The following OTOG variants were observed in gnomAD, a reference collection of about 807,000 sequenced individuals.
OTOG encodes the protein otogelin.
Under a neutral mutation model 313.8 loss-of-function variants are expected in OTOG, and 296 were observed. The ratio of observed to expected loss-of-function variants is 0.94; its 90% CI spans 0.86 to 1.04. The LOEUF (loss-of-function observed/expected upper bound fraction) is 1.04, where lower values mean the gene tolerates loss of function less well. Among genes scored for constraint, OTOG ranks in the 50% least tolerant of loss-of-function variants. OTOG has a pLI of 0.00. For missense variants in OTOG, 3,948 were observed against 3,840.1 expected (o/e 1.03, Z -0.74); for synonymous variants, 1,533 against 1,554.9 (o/e 0.99, Z 0.33).
rs1445616276 is a variant in OTOG at position 17,634,934 on chromosome 11, C to A, written c.7571C>A (p.Pro2524His). Residue 2524 changes from proline (P) to histidine (H), a missense_variant, in exon 45 of 56, where the codon CCC (proline) becomes CAC (histidine). Transcript: ENST00000399397. ...CACTTCCAGGAGGACTCCTGCTGCCCCAGCTACAGCTGTGGTGAGAGGCCC... is the reference window on the plus strand; with the variant it reads ...CACTTCCAGGAGGACTCCTGCTGCCACAGCTACAGCTGTGGTGAGAGGCCC... ...LTHFQEDSCC[P>H]SYSCECDPDL... 6.5e-7 allele frequency: 1 copy of A among 1,548,874 alleles called. No individual in the cohort carries two copies. The highest frequency in any genetic ancestry group is 2.0e-5 in the Admixed American group (1 of 50,974).
intron 29 of OTOG, 83 bp from the exon 30 acceptor site, chr11:17,596,768 G>A (rs752214018): frequency 1.2e-5 from 15 of 1,272,408 alleles, no homozygotes; most frequent in Non-Finnish European, 1.5e-5. Context: ...CCTTCATGTT[G>A]GTGCTGGTCG....
intron 35 of OTOG, among the ~76,000 whole-genome samples, 160 bp downstream of exon 35, chr11:17,609,369 C>T (rs1302607459): frequency 6.6e-6 from 1 of 152,284 alleles, no homozygotes; most frequent in East Asian, 1.9e-4. Flanking sequence ...GAGGCCTCAT[C>T]CGGTCTATTC....
intron 39 of OTOG, among the ~76,000 whole-genome samples, chr11:17,621,205 A>G (rs559719501): frequency 2.6e-5 from 4 of 152,152 alleles, no homozygotes; most frequent in Admixed American, 2.6e-4. Context: ...ATATTCTTTC[A>G]TTTTATTTTT....
chr11:17,640,127 T>C (rs1847940160), intron 49 of OTOG, among the ~76,000 whole-genome samples: 2 of 152,174 alleles, frequency 1.3e-5, no homozygotes, highest in African/African-American at 4.8e-5. Context: ...TAATGTTTAC[T>C]GAGAGCTTAC....
chr11:17,606,109 G>A lies in OTOG; in HGVS notation c.4130G>A (p.Arg1377His), dbSNP rs1257243835. The A allele has an allele frequency of 1.7e-5, 27 of 1,543,950 alleles. No individual in the cohort carries two copies. Among genetic ancestry groups the A allele is most frequent in the African/African-American group, 6.8e-5 (5 of 73,036 alleles). The change falls in exon 33 of 56, where the codon CGC (arginine) becomes CAC (histidine). Residue 1377 changes from arginine to histidine, a missense_variant. Physicochemically the swap from Arg to His is conservative, Grantham distance 29. Coordinates refer to ENST00000399397, the MANE Select transcript of OTOG (RefSeq NM_001292063.2). ...CTGTACGAACACACAGAGGTGTTCC[G>A]CCGGGGCACACTCTTCCGCCTTCTG... ...LRLYEHTEVF[R>H]RGTLFRLLDA...
rs1416214131 is a variant in OTOG at position 17,553,539 on chromosome 11, G to T, written c.540+20G>T. ...ATCCAGGTGAGGCCTCCCCTGCCTT[G>T]CCTGTCCAGGAATGCTTCTCTAGGC... On this transcript the variant is annotated intron_variant, in intron 6 of 55. Coordinates refer to ENST00000399397, the MANE Select transcript of OTOG (RefSeq NM_001292063.2). 11 of 1,421,116 alleles carry T rather than the reference G, an allele frequency of 7.7e-6. No individual in the cohort carries two copies. Among genetic ancestry groups the T allele is most frequent in the Non-Finnish European group, 1.0e-5 (11 of 1,085,026 alleles). 88.0% of individuals were successfully genotyped at this position (1,421,116 alleles called of 1,614,324 possible). A position where few individuals can be genotyped will look rare whatever the true frequency, so the allele number is the denominator to read the frequency against.
intron 39 of OTOG, among the ~76,000 whole-genome samples, chr11:17,618,180 C>T (rs541312401): frequency 9.8e-5 from 15 of 152,314 alleles, no homozygotes; most frequent in African/African-American, 2.9e-4. Flanking sequence ...GGATTACAGG[C>T]GTGAGCCACC....
intron 23 of OTOG, among the ~76,000 whole-genome samples, chr11:17,582,150 A>C (rs1852683960): frequency 6.6e-6 from 1 of 152,162 alleles, no homozygotes. Context: ...CATAATTAAG[A>C]TATATAACAT....
rs760511989 is a variant in OTOG at position 17,553,229 on chromosome 11, C to T, written c.385+18C>T. On this transcript the variant is annotated intron_variant, in intron 5 of 55. Coordinates refer to ENST00000399397, the MANE Select transcript of OTOG (RefSeq NM_001292063.2). ...CCAGATGGGTGGGTCTGGGCTCCAC[C>T]CCACCCCCAGGAAGGGACCTGGGTG... 5.2e-6 allele frequency: 8 copies of T among 1,549,658 alleles called. No homozygotes were observed. Among genetic ancestry groups the T allele is most frequent in the Non-Finnish European group, 7.0e-6 (8 of 1,146,466 alleles).
At position 17,635,138 on chromosome 11, in the gene OTOG, C is replaced by T; in HGVS notation, c.7644C>T (p.Ile2548=). The change falls in exon 46 of 56, where the codon ATC becomes ATT. Residue 2548 remains isoleucine, a synonymous_variant. Transcript: ENST00000399397. Reference sequence around the variant, plus strand: ...TCCCCAGCTGCCGACAGGACCAGATCCTGATCACGGGCCGCCTGGGGGACT... The same window carrying T: ...TCCCCAGCTGCCGACAGGACCAGATTCTGATCACGGGCCGCCTGGGGGACT... ...ELVPSCRQDQ[I]LITGRLGDSC... 2 of 1,549,218 alleles carry T rather than the reference C, an allele frequency of 1.3e-6. No homozygotes were observed. The highest frequency in any genetic ancestry group is 3.3e-4 in the Middle Eastern group (2 of 5,990).
rs547407665 is a variant in OTOG at position 17,559,622 on chromosome 11, C to G, written c.1302C>G (p.Asp434Glu). The change falls in exon 12 of 56, where the codon GAC becomes GAG. Residue 434 changes from aspartate (D) to glutamate (E), a missense_variant. Asp to Glu is a conservative substitution (Grantham distance 45). Coordinates refer to ENST00000399397, the MANE Select transcript of OTOG (RefSeq NM_001292063.2). ...GCCATCCCCGGGCATCCTGTGTGGA[C>G]AGTGAGATCGCCTGTGTGGACGGCT... The part of the protein sequence containing the change: ...ASCHPRASCV[D>E]SEIACVDGCY... The G allele has an allele frequency of 3.2e-6, 5 of 1,550,912 alleles. No homozygotes were observed. In the East Asian group the frequency reaches 7.3e-5, roughly 23 times the overall value.
intron 47 of OTOG, 115 bp downstream of exon 47, chr11:17,635,826 C>A: frequency 1.2e-6 from 1 of 835,580 alleles, no homozygotes; most frequent in Non-Finnish European, 1.9e-6. Flanking sequence ...AGGTGGTGAG[C>A]TCTGGAGGGG....
intron 16 of OTOG, 41 bp downstream of exon 16, chr11:17,569,329 G>A (rs1250361774): frequency 6.5e-7 from 1 of 1,548,560 alleles, no homozygotes; most frequent in Admixed American, 2.0e-5. Flanking sequence ...TGGGAACTGA[G>A]GGTTTGGACC....
rs1854244186 is a variant in OTOG, at chr11:17,635,555, T to A, written c.7694-55T>A. On this transcript the variant is annotated intron_variant, in intron 46 of 55. Coordinates refer to ENST00000399397, the MANE Select transcript of OTOG (RefSeq NM_001292063.2). ...GCCCCACCCCCAGCAACGTGCTGTG[T>A]GCCAGGCCCCTATGAGAGGACTGCT... is the stretch of plus-strand genomic sequence containing the variant. The A allele has an allele frequency of 2.1e-6, 3 of 1,401,894 alleles. No individual in the cohort carries two copies. In the South Asian group the frequency reaches 3.7e-5, roughly 17 times the overall value. The allele number at this position is 1,401,894 out of a possible 1,614,324, so 86.8% of individuals were successfully genotyped here. A position where few individuals can be genotyped will look rare whatever the true frequency, so the allele number is the denominator to read the frequency against.
chr11:17,637,609 C>T (rs1854296850), intron 47 of OTOG, among the ~76,000 whole-genome samples: 1 of 152,178 alleles, frequency 6.6e-6, no homozygotes, highest in South Asian at 2.1e-4. Context: ...CTTCATAGCA[C>T]ATCACTTCGG....
chr11:17,613,194 CT>C (rs112210734), intron 38 of OTOG, among the ~76,000 whole-genome samples: 2,345 of 48,274 alleles, frequency 0.049, 97 homozygotes, highest in South Asian at 0.15. Context: ...TTCTTTCTTT[CT>C]TTTCTTTCTT....
intron 3 of OTOG, among the ~76,000 whole-genome samples, chr11:17,550,849 A>G (rs1224263443): frequency 6.6e-6 from 1 of 152,216 alleles, no homozygotes; most frequent in Non-Finnish European, 1.5e-5. Flanking sequence ...AGGTGAGGAC[A>G]CCAAAATCTG....
chr11:17,596,875 A>G lies in OTOG; in HGVS notation c.3550A>G (p.Asn1184Asp), dbSNP rs1372893813. Residue 1184 changes from asparagine (N) to aspartate (D), a missense_variant, in exon 30 of 56, where the codon AAC becomes GAC. Coordinates refer to ENST00000399397, the MANE Select transcript of OTOG (RefSeq NM_001292063.2). ...GGTTGATGTCACTTGGTTTTACTCAAACTGCCTGACAGACACATGTGGCTG... is the reference window on the plus strand; with the variant it reads ...GGTTGATGTCACTTGGTTTTACTCAGACTGCCTGACAGACACATGTGGCTG... ...PVVDVTWFYS[N>D]CLTDTCGCSQ... 4 of 1,551,006 alleles carry G rather than the reference A, an allele frequency of 2.6e-6. No individual in the cohort carries two copies. In the Admixed American group the frequency reaches 5.9e-5, roughly 23 times the overall value.
chr11:17,602,287 G>A lies in OTOG; in HGVS notation c.3787G>A (p.Asp1263Asn), dbSNP rs915716581. The A allele has an allele frequency of 6.4e-7, 1 of 1,550,628 alleles. No individual in the cohort carries two copies. The highest frequency in any genetic ancestry group is 1.2e-5 in the South Asian group (1 of 84,054). Reference sequence around the variant, plus strand: ...GGTGGGCATGAAGGCGGTGGGCGATGACATAGTCCTAGTGAGGACAGAGGA... The same window carrying A: ...GGTGGGCATGAAGGCGGTGGGCGATAACATAGTCCTAGTGAGGACAGAGGA... ...ALVGMKAVGD[D>N]IVLVRTEDVA... is the part of the protein sequence containing the mutation. Residue 1263 changes from aspartate to asparagine, a missense_variant, in exon 32 of 56, where the codon GAC becomes AAC. Transcript: ENST00000399397.
Sources: allele counts gnomAD v4.1 joint callset (sites outside exome capture counted in the v4.1 genomes callset), GRCh38; gene constraint gnomAD v4.1.1; transcripts MANE v1.5; gene names NCBI Gene and HGNC (gene_info 2026-07-23, HGNC 2026-07-21).